Variants in STK31 observed in about 807,000 individuals in gnomAD.
STK31 encodes serine/threonine-protein kinase 31.
STK31 carries 89 observed loss-of-function variants against 129.7 expected under a neutral mutation model. The ratio of observed to expected loss-of-function variants is 0.69; its 90% CI spans 0.58 to 0.82. STK31 has a LOEUF of 0.82. Among genes scored for constraint, STK31 ranks in the 40% least tolerant of loss-of-function variants. The pLI is 0.00. For synonymous variants in STK31, 448 were observed against 395.3 expected, an observed-to-expected ratio of 1.13 and a Z score of -1.58; for missense variants, 1,187 against 1,176.4, an observed-to-expected ratio of 1.01 and a Z score of -0.13.
intron 23 of STK31, among the ~76,000 whole-genome samples, chr7:23,822,758 C>T (rs902764315): frequency 6.6e-6 from 1 of 152,124 alleles, no homozygotes; most frequent in Non-Finnish European, 1.5e-5. Context: ...CCCACCACCC[C>T]ACAACAGTCC....
At chr7:23,720,834 C>T (rs1786648655) in intron 4 of STK31, among the ~76,000 whole-genome samples, 1 of 152,064 alleles carries the variant, frequency 6.6e-6, no homozygotes, top group Admixed American at 6.5e-5. Context: ...AATATATGTA[C>T]AGCATCCCAG....
At chr7:23,766,286 A>G (rs936562378) in intron 11 of STK31, among the ~76,000 whole-genome samples, 7 of 152,150 alleles carry the variant, frequency 4.6e-5, no homozygotes, top group Non-Finnish European at 8.8e-5. Flanking sequence ...TATTTGAGAC[A>G]GAGTCTTGCT....
At chr7:23,832,033 C>T in intron 23 of STK31, 103 bp from the exon 24 acceptor site, 1 of 781,056 alleles carries the variant, frequency 1.3e-6, no homozygotes, top group Non-Finnish European at 2.1e-6. Context: ...CTTGAAACCC[C>T]TCCTTCCTGA....
At position 23,769,124 on chromosome 7, in the gene STK31, A is replaced by G; in HGVS notation, c.1546A>G (p.Thr516Ala). The change falls in exon 12 of 24, where the codon ACA (threonine) becomes GCA (alanine). Residue 516 changes from threonine to alanine, a missense_variant. Around this residue, in one of 5 missense-constraint regions of STK31, gnomAD observed 975 missense variants for 934.9 expected, o/e 1.04. Transcript: ENST00000355870. ...REEFTSVRSE[T>A]DASLHRLVAW... ...GGAGTTCACCAGTGTTAGAAGTGAA[A>G]CAGACGCTTCTCTGCACCGTCTTGT... 1 of 1,612,518 alleles carries G rather than the reference A, an allele frequency of 6.2e-7. No individual in the cohort carries two copies. The highest frequency in any genetic ancestry group is 8.5e-7 in the Non-Finnish European group (1 of 1,179,182).
chr7:23,810,778 T>TATG (rs1793067224), intron 22 of STK31, among the ~76,000 whole-genome samples: 2 of 106,894 alleles, frequency 1.9e-5, no homozygotes, highest in African/African-American at 4.9e-5. Flanking sequence ...TAAATATATA[T>TATG]TATATATAAA....
rs187248224 is a variant in STK31, at chr7:23,802,058, T to C, written c.2760+11112T>C. Among the ~76,000 whole-genome samples the C allele has an allele frequency of 1.5e-3, 227 of 152,316 alleles. 2 individuals carry two copies. The highest frequency in any genetic ancestry group is 5.3e-3 in the African/African-American group (219 of 41,564). On this transcript the variant is annotated intron_variant, in intron 22 of 23. Transcript: ENST00000355870. ...TTACATCTTACCTTATTTTATTTTATTGAGACGTGTAAGGTCAGCCGAGAG... is the reference window on the plus strand; with the variant it reads ...TTACATCTTACCTTATTTTATTTTACTGAGACGTGTAAGGTCAGCCGAGAG...
In STK31 at chr7:23,712,127, G is replaced by A; in HGVS notation, c.79G>A (p.Asp27Asn). ...TTCAGGAATTGTTCAAATGGATGAA[G>A]ATACACATTACGATAAAGGTACTGA... ...SFSGIVQMDE[D>N]THYDKVEDVV... is the part of the protein sequence containing the mutation. Residue 27 changes from aspartate to asparagine, a missense_variant, in exon 2 of 24, where the codon GAT becomes AAT. Physicochemically the swap from Asp to Asn is conservative, Grantham distance 23 (BLOSUM62 1). This residue lies in a region of STK31 where 104 missense variants were observed against 98.3 expected (regional missense o/e 1.06). Coordinates refer to ENST00000355870, the MANE Select transcript of STK31 (RefSeq NM_031414.5). 1 of 1,612,218 alleles carries A rather than the reference G, an allele frequency of 6.2e-7. No homozygotes were observed. Among genetic ancestry groups the A allele is most frequent in the Non-Finnish European group, 8.5e-7 (1 of 1,178,366 alleles).
In STK31 at chr7:23,793,299, A is replaced by G. The variant is rs536969814; in HGVS notation, c.2760+2353A>G. 5.3e-5 allele frequency among the ~76,000 whole-genome samples: 8 copies of G among 152,348 alleles called. No individual in the cohort carries two copies. In the South Asian group the frequency reaches 1.7e-3, roughly 32 times the overall value. On this transcript the variant is annotated intron_variant, in intron 22 of 23. Coordinates refer to ENST00000355870, the MANE Select transcript of STK31 (RefSeq NM_031414.5). Reference sequence around the variant, plus strand: ...AAAACGTGAGTCTAAAACTTATAGAAGAAAACATAGGATGAAATATTTGAC... The same window carrying G: ...AAAACGTGAGTCTAAAACTTATAGAGGAAAACATAGGATGAAATATTTGAC...
chr7:23,729,901 T>A (rs1736737731), intron 6 of STK31, among the ~76,000 whole-genome samples: 1 of 152,226 alleles, frequency 6.6e-6, no homozygotes, highest in Non-Finnish European at 1.5e-5. Context: ...AAGTGATCTT[T>A]ACCTAGTCCT....
intron 20 of STK31, 50 bp from the exon 21 acceptor site, chr7:23,787,930 T>G (rs1452802526): frequency 6.9e-7 from 1 of 1,452,864 alleles, no homozygotes; most frequent in Non-Finnish European, 9.1e-7. Flanking sequence ...GTTTCAAGAT[T>G]AAAATGATTT....
intron 8 of STK31, among the ~76,000 whole-genome samples, chr7:23,740,500 T>G (rs1186739205): frequency 6.6e-6 from 1 of 152,032 alleles, no homozygotes; most frequent in Non-Finnish European, 1.5e-5. Flanking sequence ...CTTTTTTTTG[T>G]TTTTATTATT....
chr7:23,772,247 G>T lies in STK31; in HGVS notation c.1934G>T (p.Trp645Leu). Residue 645 changes from tryptophan to leucine, a missense_variant, in exon 15 of 24, where the codon TGG becomes TTG. Physicochemically the swap from Trp to Leu is moderately conservative, Grantham distance 61. Coordinates refer to ENST00000355870, the MANE Select transcript of STK31 (RefSeq NM_031414.5). ...TLKSLKALLRWKLVEKSNLEE... is the reference protein window; with the variant it reads ...TLKSLKALLRLKLVEKSNLEE... ...AAAAGCTTAAAAGCTCTACTCAGAT[G>T]GAAATTGGTTGAAAAGAGTAATTTG... 2.5e-6 allele frequency: 4 copies of T among 1,605,952 alleles called. No individual in the cohort carries two copies. The highest frequency in any genetic ancestry group is 3.4e-6 in the Non-Finnish European group (4 of 1,177,048).
chr7:23,731,908 C>CT (rs1787455774), intron 6 of STK31, among the ~76,000 whole-genome samples: 1 of 152,170 alleles, frequency 6.6e-6, no homozygotes, highest in African/African-American at 2.4e-5. Context: ...CTGAATGAAG[C>CT]TTACCAGTTT....
At chr7:23,771,433 C>G (rs1390674773) in intron 14 of STK31, 1 of 175,676 alleles carries the variant, frequency 5.7e-6, no homozygotes, top group African/African-American at 2.4e-5. Context: ...TTCCCTTAGC[C>G]TAAGAGATAG....
chr7:23,814,146 C>CTCTTTTTTTTTTT (rs1793321159), intron 22 of STK31, among the ~76,000 whole-genome samples: 1 of 98,916 alleles, frequency 1.0e-5, no homozygotes, highest in African/African-American at 4.5e-5. Context: ...ATCTGGCTCA[C>CTCTTTTTTTTTTT]TTATTTTTTT....
Position 23,815,202 on chromosome 7 carries a change from A to G in STK31, c.2819A>G (p.Gln940Arg), listed in dbSNP as rs370745228. The G allele has an allele frequency of 1.7e-3, 2,691 of 1,583,706 alleles. 53 individuals carry two copies. The South Asian group carries it at 0.029, about 17-fold the overall frequency. ...AAAGATGGAATCCCCAAAGTGGATCAGTTTCATCTGGTATGTGACCTTTTT... is the reference window on the plus strand; with the variant it reads ...AAAGATGGAATCCCCAAAGTGGATCGGTTTCATCTGGTATGTGACCTTTTT... The part of the protein sequence containing the change: ...INKDGIPKVD[Q>R]FHLDDKVKSL... Residue 940 changes from glutamine to arginine, a missense_variant, in exon 23 of 24, where the codon CAG becomes CGG. Around this residue, in one of 5 missense-constraint regions of STK31, gnomAD observed 975 missense variants for 934.9 expected, o/e 1.04. Transcript: ENST00000355870.
chr7:23,779,347 C>G (rs1029466094), intron 15 of STK31, among the ~76,000 whole-genome samples: 2 of 152,148 alleles, frequency 1.3e-5, no homozygotes, highest in Non-Finnish European at 2.9e-5. Flanking sequence ...CAGTCTGTCC[C>G]TTAGCAGAGC....
At chr7:23,775,952 A>C (rs934084333) in intron 15 of STK31, among the ~76,000 whole-genome samples, 2 of 152,136 alleles carry the variant, frequency 1.3e-5, no homozygotes, top group Non-Finnish European at 2.9e-5. Flanking sequence ...TCAGTATGAT[A>C]TTGGCTGTGG....
At chr7:23,712,862 G>A (rs550013393) in intron 3 of STK31, among the ~76,000 whole-genome samples, 4 of 152,124 alleles carry the variant, frequency 2.6e-5, no homozygotes, top group Non-Finnish European at 4.4e-5. Context: ...TGCACAGAAC[G>A]ACCTGCTAAT....
Sources: allele counts gnomAD v4.1 joint callset (sites outside exome capture counted in the v4.1 genomes callset), GRCh38; gene constraint gnomAD v4.1.1; regional missense constraint gnomAD v4.1.1; transcripts MANE v1.5; gene names NCBI Gene and HGNC (gene_info 2026-07-23, HGNC 2026-07-21).